The following MYO7B variants were observed in gnomAD, a reference collection of about 807,000 sequenced individuals.
MYO7B encodes myosin VIIB.
MYO7B carries 212 observed loss-of-function variants against 259.7 expected under a neutral mutation model. That is an observed-to-expected ratio of 0.82 (90% CI 0.73 to 0.91). MYO7B has a LOEUF of 0.91. Ranked by LOEUF, MYO7B falls within the 40% of genes least tolerant of loss-of-function variation. MYO7B has a pLI of 0.00. For missense variants in MYO7B, 2,732 were observed against 2,813.5 expected (o/e 0.97, Z 0.66); for synonymous variants, 1,197 against 1,166.4 (o/e 1.03, Z -0.54).
chr2:127,580,914 C>A (rs1289153947), intron 10 of MYO7B, 92 bp downstream of exon 10: 4 of 1,241,726 alleles, frequency 3.2e-6, no homozygotes, highest in African/African-American at 3.0e-5. Context: ...TATAACCCTA[C>A]CCAGGCCCCC....
At chr2:127,573,807 T>G in intron 6 of MYO7B, 113 bp from the exon 7 acceptor site, 3 of 1,378,820 alleles carry the variant, frequency 2.2e-6, no homozygotes. Context: ...GCCGTGCCCA[T>G]TCTTCAATTC....
rs1386265354 is a variant in MYO7B, at chr2:127,609,857, G to C, written c.3033G>C (p.Leu1011=). ...CTGTCTTGTTTCCCCAGGCCGCCCT[G>C]GTCATATGGAACGTCATCCTGAGGT... ...HEDDTDCLAA[L]VIWNVILRFM... Residue 1011 remains leucine, a synonymous_variant, in exon 24 of 48, where the codon CTG becomes CTC. Transcript: ENST00000409816. The surrounding 1 kb of genome is among the most constrained non-coding windows in gnomAD (Gnocchi z 6.9). 1.9e-6 allele frequency: 3 copies of C among 1,613,262 alleles called. No individual in the cohort carries two copies. Among genetic ancestry groups the C allele is most frequent in the Non-Finnish European group, 2.5e-6 (3 of 1,179,618 alleles).
chr2:127,578,382 C>A, intron 9 of MYO7B, 96 bp downstream of exon 9: 1 of 1,490,658 alleles, frequency 6.7e-7, no homozygotes. Context: ...AGGAAGGATC[C>A]TGTGGTCCAA....
chr2:127,636,152 A>C lies in MYO7B; in HGVS notation c.6007-56A>C. The stretch of plus-strand genomic sequence containing the variant: ...GGGGTAGGCAGGTGCTGCCCCCACC[A>C]GGGCTTTGGAGGGCCTCTGGGCACC... On this transcript the variant is annotated intron_variant, in intron 44 of 47. Coordinates refer to ENST00000409816, the MANE Select transcript of MYO7B (RefSeq NM_001393586.1). This position sits in a 1 kb window ranked among gnomAD's most constrained non-coding sequence, Gnocchi z 4.5. 1 of 1,432,392 alleles carries C rather than the reference A, an allele frequency of 7.0e-7. No homozygotes were observed. Among genetic ancestry groups the C allele is most frequent in the Non-Finnish European group, 9.8e-7 (1 of 1,025,566 alleles). The allele number at this position is 1,432,392 out of a possible 1,614,324, so 88.7% of individuals were successfully genotyped here.
At chr2:127,631,568 T>G in intron 37 of MYO7B, 32 bp from the exon 38 acceptor site, 1 of 1,607,144 alleles carries the variant, frequency 6.2e-7, no homozygotes, top group Non-Finnish European at 8.5e-7. Flanking sequence ...AGCGTGGGGC[T>G]GCCCCAGCAC....
chr2:127,622,569 C>T (rs1048838707), intron 28 of MYO7B, among the ~76,000 whole-genome samples: 2 of 150,640 alleles, frequency 1.3e-5, no homozygotes, highest in African/African-American at 4.9e-5. Flanking sequence ...GCCAGGGTGG[C>T]GAGAGCACAC....
intron 2 of MYO7B, among the ~76,000 whole-genome samples, chr2:127,560,871 A>G (rs1678056526): frequency 6.6e-6 from 1 of 152,184 alleles, no homozygotes; most frequent in Non-Finnish European, 1.5e-5. Flanking sequence ...TTCACTACGC[A>G]GCGGCCCCTG....
chr2:127,631,114 C>T (rs1455639600), intron 36 of MYO7B, 92 bp from the exon 37 acceptor site: 4 of 1,454,714 alleles, frequency 2.7e-6, no homozygotes, highest in South Asian at 1.4e-5. Context: ...TGCTCTGGCC[C>T]TCCCACAGCC....
rs759578740 is a variant in MYO7B at position 127,569,789 on chromosome 2, C to T, written c.471C>T (p.Ser157=). The T allele has an allele frequency of 2.1e-5, 34 of 1,607,024 alleles. No homozygotes were observed. The highest frequency in any genetic ancestry group is 8.5e-5 in the Admixed American group (5 of 58,728). The change falls in exon 6 of 48, where the codon AGC becomes AGT. Residue 157 remains serine, a splice_region_variant and synonymous_variant. Coordinates refer to ENST00000409816, the MANE Select transcript of MYO7B (RefSeq NM_001393586.1). ...RNKRDQCCII[S]GESGAGKTET... is the part of the protein sequence containing the mutation. Reference sequence around the variant, plus strand: ...ATGTCCCTGCACACCCTTTTTGCAGCGGCGAGTCTGGGGCTGGCAAGACGG... The same window carrying T: ...ATGTCCCTGCACACCCTTTTTGCAGTGGCGAGTCTGGGGCTGGCAAGACGG...
At chr2:127,629,166 T>G (rs568724588) in intron 34 of MYO7B, among the ~76,000 whole-genome samples, 2 of 152,272 alleles carry the variant, frequency 1.3e-5, no homozygotes, top group South Asian at 2.1e-4. Flanking sequence ...GAAGAGGCTG[T>G]GTGTGGGGTC....
intron 40 of MYO7B, among the ~76,000 whole-genome samples, 175 bp downstream of exon 40, chr2:127,633,538 G>T (rs1375070811): frequency 6.6e-6 from 1 of 152,124 alleles, no homozygotes; most frequent in African/African-American, 2.4e-5. Flanking sequence ...CCTGCCCTTG[G>T]GTGCTTTGGA....
Position 127,608,725 on chromosome 2 carries a change from G to A in MYO7B, c.2661G>A (p.Pro887=), listed in dbSNP as rs763561205. Residue 887 remains proline (P), a synonymous_variant, in exon 22 of 48, where the codon CCG becomes CCA. Coordinates refer to ENST00000409816, the MANE Select transcript of MYO7B (RefSeq NM_001393586.1). ...GTATGCAGGCGCCGCTGGTCATCCC[G>A]GCCGAGGGGCAGAAAAGCCAAGGCG... ...QRKANAPLVI[P]AEGQKSQGAL... 2.7e-5 allele frequency: 44 copies of A among 1,612,264 alleles called. No individual in the cohort carries two copies. Among genetic ancestry groups the A allele is most frequent in the African/African-American group, 1.2e-4 (9 of 74,928 alleles).
At position 127,609,413 on chromosome 2, in the gene MYO7B, C is replaced by T. The variant is rs770179539; in HGVS notation, c.2815-93C>T. 45 of 1,163,266 alleles carry T rather than the reference C, an allele frequency of 3.9e-5. No homozygotes were observed. Among genetic ancestry groups the T allele is most frequent in the Non-Finnish European group, 4.8e-5 (39 of 805,726 alleles). The allele number at this position is 1,163,266 out of a possible 1,614,324, so 72.1% of individuals were successfully genotyped here. A position where few individuals can be genotyped will look rare whatever the true frequency, so the allele number is the denominator to read the frequency against. On this transcript the variant is annotated intron_variant, in intron 22 of 47. Coordinates refer to ENST00000409816, the MANE Select transcript of MYO7B (RefSeq NM_001393586.1). The surrounding 1 kb of genome is among the most constrained non-coding windows in gnomAD (Gnocchi z 6.9). The stretch of plus-strand genomic sequence containing the variant: ...CTGAGGGATCAGGGTAATGCAACAG[C>T]CCCCGTGCTGCCCGGCCTGCTGGAC...
At position 127,629,687 on chromosome 2, in the gene MYO7B, T is replaced by C; in HGVS notation, c.4667T>C (p.Val1556Ala). The change falls in exon 35 of 48, where the codon GTC (valine) becomes GCC (alanine). Residue 1556 changes from valine (V) to alanine (A), a missense_variant. Physicochemically the swap from Val to Ala is moderately conservative, Grantham distance 64. Coordinates refer to ENST00000409816, the MANE Select transcript of MYO7B (RefSeq NM_001393586.1). The part of the protein sequence containing the change: ...LLAFKKGDLL[V>A]LTKKQGLLAS... The stretch of plus-strand genomic sequence containing the variant: ...GCCTTCAAGAAGGGGGACCTGTTGG[T>C]CCTCACAAAGAAGCAGGGGCTGCTG... 6.2e-7 allele frequency: 1 copy of C among 1,612,366 alleles called. No individual in the cohort carries two copies. The highest frequency in any genetic ancestry group is 8.5e-7 in the Non-Finnish European group (1 of 1,179,434).
chr2:127,574,762 C>CCAGG (rs1678795478), intron 7 of MYO7B, among the ~76,000 whole-genome samples: 1 of 152,180 alleles, frequency 6.6e-6, no homozygotes, highest in Non-Finnish European at 1.5e-5. Context: ...TGTTGTCACA[C>CCAGG]CAGGCCCTGT....
chr2:127,633,726 A>G (rs183616690), intron 40 of MYO7B, among the ~76,000 whole-genome samples: 1 of 152,290 alleles, frequency 6.6e-6, no homozygotes, highest in African/African-American at 2.4e-5. Context: ...AGAGCCTGCC[A>G]TGGCTGCTGG....
chr2:127,569,696 C>T (rs1678504651), intron 5 of MYO7B, 93 bp from the exon 6 acceptor site: 4 of 1,470,084 alleles, frequency 2.7e-6, no homozygotes. Flanking sequence ...CAGACTGGCT[C>T]AGAAAGCAGG....
In MYO7B at chr2:127,584,193, T is replaced by C. The variant is rs778774787; in HGVS notation, c.1415T>C (p.Met472Thr). 3.1e-6 allele frequency: 5 copies of C among 1,613,860 alleles called. No individual in the cohort carries two copies. The highest frequency in any genetic ancestry group is 4.2e-6 in the Non-Finnish European group (5 of 1,179,884). ...QQFFVQHVFT[M>T]EQEEYRSENI... ...TTCTTTGTGCAGCACGTGTTCACCATGGAGCAAGAGGAGTACCGCTCGGAG... is the reference window on the plus strand; with the variant it reads ...TTCTTTGTGCAGCACGTGTTCACCACGGAGCAAGAGGAGTACCGCTCGGAG... The change falls in exon 13 of 48, where the codon ATG (methionine) becomes ACG (threonine). Residue 472 changes from methionine to threonine, a missense_variant. Coordinates refer to ENST00000409816, the MANE Select transcript of MYO7B (RefSeq NM_001393586.1). The surrounding 1 kb of genome is among the most constrained non-coding windows in gnomAD (Gnocchi z 5.8).
In MYO7B at chr2:127,607,014, C is replaced by A. The variant is rs1160376023; in HGVS notation, c.2425-192C>A. Among the ~76,000 whole-genome samples, 1 of 152,282 alleles carries A rather than the reference C, an allele frequency of 6.6e-6. No individual in the cohort carries two copies. The highest frequency in any genetic ancestry group is 1.5e-5 in the Non-Finnish European group (1 of 68,046). The stretch of plus-strand genomic sequence containing the variant: ...TTAGCACTTATTTGCATGTCACGCT[C>A]TGGCCTAAGTACTTTGTAAGCAATA... On this transcript the variant is annotated intron_variant, in intron 20 of 47. Coordinates refer to ENST00000409816, the MANE Select transcript of MYO7B (RefSeq NM_001393586.1). This position sits in a 1 kb window ranked among gnomAD's most constrained non-coding sequence, Gnocchi z 4.4.
Sources: allele counts gnomAD v4.1 joint callset (sites outside exome capture counted in the v4.1 genomes callset), GRCh38; gene constraint gnomAD v4.1.1; non-coding constraint Gnocchi (gnomAD v3.1); transcripts MANE v1.5; gene names NCBI Gene and HGNC (gene_info 2026-07-23, HGNC 2026-07-21).